Variants in SIPA1L1 observed in about 807,000 individuals in gnomAD.
SIPA1L1 encodes signal-induced proliferation-associated 1-like protein 1.
In SIPA1L1, 26 loss-of-function variants were observed where a neutral mutation model predicts 162.7. The ratio of observed to expected loss-of-function variants is 0.16; its 90% CI spans 0.12 to 0.22. The LOEUF (loss-of-function observed/expected upper bound fraction) is 0.22. Among genes scored for constraint, SIPA1L1 ranks in the 10% least tolerant of loss-of-function variants. The pLI, the probability that SIPA1L1 is intolerant of heterozygous loss-of-function variation, is 1.00. For missense variants in SIPA1L1, 1,874 were observed against 2,241.0 expected, an observed-to-expected ratio of 0.84 and a Z score of 3.31; for synonymous variants, 829 against 837.4, an observed-to-expected ratio of 0.99 and a Z score of 0.17.
intron 2 of SIPA1L1, among the ~76,000 whole-genome samples, chr14:71,490,388 G>C (rs997726455): frequency 2.6e-5 from 4 of 152,024 alleles, no homozygotes; most frequent in Non-Finnish European, 4.4e-5. Context: ...CCTTTTAATG[G>C]TGTCAGTGCT....
intron 2 of SIPA1L1, among the ~76,000 whole-genome samples, chr14:71,480,826 T>C (rs1249612681): frequency 6.6e-6 from 1 of 152,146 alleles, no homozygotes; most frequent in African/African-American, 2.4e-5. Context: ...TAATATATAT[T>C]GTGTAAAATA....
chr14:71,650,084 C>T (rs892180369), intron 7 of SIPA1L1, among the ~76,000 whole-genome samples: 1 of 152,158 alleles, frequency 6.6e-6, no homozygotes, highest in Non-Finnish European at 1.5e-5. Flanking sequence ...ACCAACAGAT[C>T]TGTTTAATGG....
intron 13 of SIPA1L1, among the ~76,000 whole-genome samples, chr14:71,694,892 G>A (rs190078226): frequency 1.3e-5 from 2 of 152,206 alleles, no homozygotes; most frequent in Admixed American, 6.5e-5. Context: ...AACAGAGTAC[G>A]CTTGTAAGGT....
At chr14:71,443,785 T>C (rs1021776014) in intron 2 of SIPA1L1, among the ~76,000 whole-genome samples, 4 of 152,204 alleles carry the variant, frequency 2.6e-5, no homozygotes, top group African/African-American at 7.2e-5. Context: ...ACAACACTTT[T>C]CTGAGAAATA....
intron 7 of SIPA1L1, among the ~76,000 whole-genome samples, chr14:71,624,696 A>G (rs2039795804): frequency 6.6e-6 from 1 of 151,234 alleles, no homozygotes; most frequent in Non-Finnish European, 1.5e-5. Context: ...TTTTAGAGAG[A>G]AGGATTCTGG....
At chr14:71,598,152 CTGTG>C (rs1413607915) in intron 5 of SIPA1L1, 90 of 934,778 alleles carry the variant, frequency 9.6e-5, no homozygotes, top group Non-Finnish European at 9.9e-5. Flanking sequence ...ACAGACAGGT[CTGTG>C]TGTGGTCATG....
chr14:71,579,040 A>G (rs910073187), intron 4 of SIPA1L1, among the ~76,000 whole-genome samples: 2 of 152,248 alleles, frequency 1.3e-5, no homozygotes, highest in Non-Finnish European at 2.9e-5. Context: ...GGATATGGCT[A>G]TGAAATTATT....
At chr14:71,616,637 G>C (rs754396184) in intron 5 of SIPA1L1, among the ~76,000 whole-genome samples, 2 of 152,160 alleles carry the variant, frequency 1.3e-5, no homozygotes, top group Non-Finnish European at 2.9e-5. Context: ...TGTGGATGCT[G>C]GTGAATTTGT....
chr14:71,680,803 A>T (rs1255007763), intron 12 of SIPA1L1, among the ~76,000 whole-genome samples: 1 of 152,334 alleles, frequency 6.6e-6, no homozygotes, highest in Admixed American at 6.5e-5. Context: ...AAACACCTCT[A>T]CGCAAATAAA....
At chr14:71,533,790 T>G (rs752189262) in intron 4 of SIPA1L1, among the ~76,000 whole-genome samples, 1 of 152,220 alleles carries the variant, frequency 6.6e-6, no homozygotes, top group Non-Finnish European at 1.5e-5. Flanking sequence ...TGAAAGACTT[T>G]AGAGTGAGTT....
At chr14:71,481,882 T>C (rs1333297454) in intron 2 of SIPA1L1, among the ~76,000 whole-genome samples, 1 of 152,202 alleles carries the variant, frequency 6.6e-6, no homozygotes, top group African/African-American at 2.4e-5. Flanking sequence ...ATTTTAATTA[T>C]AGAAAACGAT....
intron 17 of SIPA1L1, among the ~76,000 whole-genome samples, chr14:71,714,136 A>G (rs2083085600): frequency 1.3e-5 from 2 of 152,154 alleles, no homozygotes; most frequent in South Asian, 2.1e-4. Flanking sequence ...ATTATGTTCT[A>G]TGTTGCTGTT....
intron 2 of SIPA1L1, among the ~76,000 whole-genome samples, chr14:71,465,138 G>A (rs1231449880): frequency 1.3e-5 from 2 of 152,184 alleles, no homozygotes; most frequent in African/African-American, 4.8e-5. Context: ...CACAAACTTA[G>A]TGTCCCCATT....
intron 13 of SIPA1L1, among the ~76,000 whole-genome samples, chr14:71,688,563 A>C (rs1305382930): frequency 6.6e-6 from 1 of 152,210 alleles, no homozygotes; most frequent in Non-Finnish European, 1.5e-5. Flanking sequence ...GTAAAACATA[A>C]CTGAAAACTT....
intron 4 of SIPA1L1, among the ~76,000 whole-genome samples, chr14:71,531,596 ACT>A (rs1373898942): frequency 2.7e-4 from 41 of 151,810 alleles, no homozygotes; most frequent in African/African-American, 9.4e-4. Flanking sequence ...ACAGGGTCTC[ACT>A]CTGTTGCCCA....
At chr14:71,700,674 GA>G (rs1221920010) in intron 14 of SIPA1L1, among the ~76,000 whole-genome samples, 1 of 152,170 alleles carries the variant, frequency 6.6e-6, no homozygotes, top group South Asian at 2.1e-4. Context: ...AAGCATTTGT[GA>G]AACAGTAACT....
Position 71,588,345 on chromosome 14 carries a change from C to G in SIPA1L1, c.473C>G (p.Ala158Gly). 3 of 1,613,708 alleles carry G rather than the reference C, an allele frequency of 1.9e-6. No homozygotes were observed. The highest frequency in any genetic ancestry group is 2.5e-6 in the Non-Finnish European group (3 of 1,179,970). Residue 158 changes from alanine to glycine, a missense_variant, in exon 5 of 24, where the codon GCC (alanine) becomes GGC (glycine). Physicochemically the swap from Ala to Gly is moderately conservative, Grantham distance 60 (BLOSUM62 0). Transcript: ENST00000381232. This position sits in a 1 kb window ranked among gnomAD's most constrained non-coding sequence, Gnocchi z 4.3. ...NMDSRFLMPE[A>G]YPSSPRKALR... ...GACTCCAGATTTCTCATGCCTGAAG[C>G]CTACCCCAGCTCCCCCAGAAAAGCT...
intron 2 of SIPA1L1, among the ~76,000 whole-genome samples, chr14:71,391,072 CAAA>C (rs941327053): frequency 1.4e-5 from 2 of 146,134 alleles, no homozygotes; most frequent in Non-Finnish European, 3.0e-5. Flanking sequence ...AAAAAGCCAA[CAAA>C]AATTAGTTTT....
At chr14:71,330,502 GCTCTA>G (rs2034399117) in intron 2 of SIPA1L1, 4 of 1,599,878 alleles carry the variant, frequency 2.5e-6, no homozygotes, top group Non-Finnish European at 3.4e-6. Context: ...CTGAAGTCCT[GCTCTA>G]TGTGCATCAG....
Sources: allele counts gnomAD v4.1 joint callset (sites outside exome capture counted in the v4.1 genomes callset), GRCh38; gene constraint gnomAD v4.1.1; non-coding constraint Gnocchi (gnomAD v3.1); transcripts MANE v1.5; gene names NCBI Gene and HGNC (gene_info 2026-07-23, HGNC 2026-07-21).